The following C9orf85 variants were observed in gnomAD, a reference collection of about 807,000 sequenced individuals.
The protein encoded by C9orf85 is uncharacterized protein C9orf85.
Under a neutral mutation model 14.9 loss-of-function variants are expected in C9orf85, and 16 were observed. That is an observed-to-expected ratio of 1.08 (90% CI 0.73 to 1.63). The LOEUF is 1.63. Ranked by LOEUF, C9orf85 falls within the 40% of genes most tolerant of loss-of-function variation. The pLI, the probability that C9orf85 is intolerant of heterozygous loss-of-function variation, is 0.00. For missense variants in C9orf85, 172 were observed against 186.1 expected, an observed-to-expected ratio of 0.92 and a Z score of 0.44; for synonymous variants, 45 against 56.8, an observed-to-expected ratio of 0.79 and a Z score of 0.93.
rs183064710 is a variant in C9orf85, at chr9:71,937,326, G to T, written c.103-9680G>T. Among the ~76,000 whole-genome samples the T allele has an allele frequency of 3.9e-4, 59 of 152,272 alleles. No homozygotes were observed. The East Asian group carries it at 0.01, about 26-fold the overall frequency. ...TTGTCAGTGAAAATCTCGGTAGTTT[G>T]CTTGGTTGCTGAAATAAATCAGTGG... On this transcript the variant is annotated intron_variant, in intron 1 of 3. Coordinates refer to ENST00000334731, the MANE Select transcript of C9orf85 (RefSeq NM_182505.5).
intron 3 of C9orf85, chr9:71,982,575 G>A: frequency 2.7e-6 from 1 of 372,948 alleles, no homozygotes; most frequent in East Asian, 9.4e-5. Context: ...AGTGCATTTT[G>A]ATTTATTGTC....
rs1589272550 is a variant in C9orf85, at chr9:71,968,784, G to A, written c.210-2721G>A. Among the ~76,000 whole-genome samples the A allele has an allele frequency of 2.6e-5, 4 of 152,274 alleles. No homozygotes were observed. The South Asian group carries it at 8.3e-4, about 32-fold the overall frequency. On this transcript the variant is annotated intron_variant, in intron 2 of 3. Coordinates refer to ENST00000334731, the MANE Select transcript of C9orf85 (RefSeq NM_182505.5). ...ACACCTGAACAAAGGAGGGGAAGGG[G>A]TTCTTATCCCTGACGCAGGTAGCCT...
At position 71,972,741 on chromosome 9, in the gene C9orf85, T is replaced by G; in HGVS notation, c.373T>G (p.Ser125Ala). The G allele has an allele frequency of 6.2e-7, 1 of 1,607,546 alleles. No homozygotes were observed. The change falls in exon 4 of 4, where the codon TCC (serine) becomes GCC (alanine). Residue 125 changes from serine to alanine, a missense_variant. Ser to Ala is a moderately conservative substitution (Grantham distance 99, BLOSUM62 1). Coordinates refer to ENST00000334731, the MANE Select transcript of C9orf85 (RefSeq NM_182505.5). Reference sequence around the variant, plus strand: ...AGAACATACTGAAAATAATCTAAGTTCCAACCATAGAAGAAGCTGCAGAAG... The same window carrying G: ...AGAACATACTGAAAATAATCTAAGTGCCAACCATAGAAGAAGCTGCAGAAG... ...KIEHTENNLS[S>A]NHRRSCRRNE...
intron 1 of C9orf85, among the ~76,000 whole-genome samples, chr9:71,937,097 A>G (rs1202717390): frequency 6.6e-6 from 1 of 152,228 alleles, no homozygotes; most frequent in Non-Finnish European, 1.5e-5. Flanking sequence ...TTATCAGCGC[A>G]GTGTTTGTTA....
chr9:71,914,439 G>T (rs1176364708), intron 1 of C9orf85, among the ~76,000 whole-genome samples: 1 of 151,948 alleles, frequency 6.6e-6, no homozygotes, highest in African/African-American at 2.4e-5. Flanking sequence ...GGACACCCCT[G>T]CCTTAGAGGA....
At chr9:71,985,735 G>A (rs144173051), downstream of C9orf85, 4 of 152,282 alleles carry the variant, frequency 2.6e-5, no homozygotes, top group Admixed American at 6.5e-5. Context: ...TGCTACCTGA[G>A]GTCTTCAAAG....
Position 71,919,859 on chromosome 9 carries a change from C to CT in C9orf85, c.102+8036dup, listed in dbSNP as rs755382234. 8.5e-3 allele frequency among the ~76,000 whole-genome samples: 1,204 copies of CT among 141,948 alleles called. 3 individuals carry two copies. Among genetic ancestry groups the CT allele is most frequent in the Middle Eastern group, 0.022 (6 of 270 alleles). 93.1% of individuals were successfully genotyped at this position (141,948 alleles called of 152,430 possible). Reference sequence around the variant, plus strand: ...AAGCATGTTTCTTTTTTCTTTTTTTCTTTTTTTTTTTTTGAGACTGAATCT... The same window carrying CT: ...AAGCATGTTTCTTTTTTCTTTTTTTCTTTTTTTTTTTTTTGAGACTGAATCT... On this transcript the variant is annotated intron_variant, in intron 1 of 3. Coordinates refer to ENST00000334731, the MANE Select transcript of C9orf85 (RefSeq NM_182505.5).
intron 1 of C9orf85, among the ~76,000 whole-genome samples, chr9:71,942,902 C>CA (rs10708553): frequency 3.3e-5 from 4 of 122,894 alleles, no homozygotes; most frequent in African/African-American, 1.2e-4. Flanking sequence ...GACTCCGACT[C>CA]AAAAAAAAAA....
chr9:71,935,633 A>C (rs780377282), intron 1 of C9orf85, among the ~76,000 whole-genome samples: 7 of 108,888 alleles, frequency 6.4e-5, no homozygotes, highest in Non-Finnish European at 1.0e-4. Context: ...CCCCCGACCC[A>C]AAAAAAAAAA....
chr9:71,944,473 T>C (rs1822030815), intron 1 of C9orf85, among the ~76,000 whole-genome samples: 1 of 152,052 alleles, frequency 6.6e-6, no homozygotes, highest in Admixed American at 6.6e-5. Context: ...ATGACCTTTA[T>C]AGGCTTTTGT....
chr9:71,917,831 A>G (rs1214806339), intron 1 of C9orf85, among the ~76,000 whole-genome samples: 1 of 152,224 alleles, frequency 6.6e-6, no homozygotes, highest in African/African-American at 2.4e-5. Context: ...TTTAAGGCCT[A>G]TGCATGACAT....
chr9:71,915,906 C>T (rs1226893428), intron 1 of C9orf85, among the ~76,000 whole-genome samples: 1 of 152,142 alleles, frequency 6.6e-6, no homozygotes, highest in East Asian at 1.9e-4. Context: ...GAGTTGTTTT[C>T]AGTTTTGCAC....
chr9:71,937,837 G>A (rs1269560377), intron 1 of C9orf85, among the ~76,000 whole-genome samples: 1 of 151,838 alleles, frequency 6.6e-6, no homozygotes, highest in Non-Finnish European at 1.5e-5. Flanking sequence ...GGTTTTTTAG[G>A]GTAATAAATT....
intron 1 of C9orf85, among the ~76,000 whole-genome samples, chr9:71,926,665 C>T (rs1392743108): frequency 1.4e-5 from 2 of 140,444 alleles, no homozygotes; most frequent in African/African-American, 5.3e-5. Flanking sequence ...AATCCTGTGA[C>T]ATTGCTTAAA....
chr9:71,961,205 G>A (rs923547047), intron 2 of C9orf85, among the ~76,000 whole-genome samples: 19 of 152,044 alleles, frequency 1.2e-4, no homozygotes, highest in African/African-American at 4.6e-4. Context: ...AAGCCACCAC[G>A]CCTGGCCTCC....
downstream of C9orf85, among the ~76,000 whole-genome samples, chr9:71,974,010 T>G (rs931423427): frequency 6.6e-6 from 1 of 151,888 alleles, no homozygotes; most frequent in African/African-American, 2.4e-5. Context: ...CACTGCAACC[T>G]CCACCTCCTG....
At chr9:71,942,762 G>C (rs1178212218) in intron 1 of C9orf85, among the ~76,000 whole-genome samples, 1 of 152,098 alleles carries the variant, frequency 6.6e-6, no homozygotes, top group East Asian at 1.9e-4. Context: ...AATTAGTTAG[G>C]CATGGTGGCG....
At chr9:71,944,339 T>G (rs1475198037) in intron 1 of C9orf85, among the ~76,000 whole-genome samples, 1 of 152,166 alleles carries the variant, frequency 6.6e-6, no homozygotes, top group Non-Finnish European at 1.5e-5. Flanking sequence ...ATTCTAACTT[T>G]GAAAAGTATT....
intron 1 of C9orf85, among the ~76,000 whole-genome samples, chr9:71,921,414 G>A (rs1223532209): frequency 1.3e-5 from 2 of 152,218 alleles, no homozygotes; most frequent in Non-Finnish European, 2.9e-5. Context: ...TGTTCAGGCA[G>A]AGCTGAACTC....
Sources: allele counts gnomAD v4.1 joint callset (sites outside exome capture counted in the v4.1 genomes callset), GRCh38; gene constraint gnomAD v4.1.1; transcripts MANE v1.5; gene names NCBI Gene and HGNC (gene_info 2026-07-23, HGNC 2026-07-21).